Variants in ALK observed in about 807,000 individuals in gnomAD.
ALK encodes ALK receptor tyrosine kinase.
ALK carries 74 observed loss-of-function variants against 163.1 expected under a neutral mutation model. The ratio of observed to expected loss-of-function variants is 0.45; its 90% CI spans 0.38 to 0.55. The LOEUF (loss-of-function observed/expected upper bound fraction) is 0.55, where lower values mean the gene tolerates loss of function less well. Ranked by LOEUF, ALK falls within the 20% of genes least tolerant of loss-of-function variation. The probability of loss-of-function intolerance (pLI) is 0.00; values close to 1 mark genes in which losing one functional copy is unlikely to be tolerated. For synonymous variants in ALK, 960 were observed against 843.2 expected, an observed-to-expected ratio of 1.14 and a Z score of -2.40; for missense variants, 2,063 against 2,105.3, an observed-to-expected ratio of 0.98 and a Z score of 0.39.
intron 18 of ALK, among the ~76,000 whole-genome samples, chr2:29,225,919 G>A (rs1218382293): frequency 5.3e-5 from 8 of 152,124 alleles, no homozygotes; most frequent in South Asian, 4.2e-4. Flanking sequence ...AACAGGGTGC[G>A]CTGTAAGTAA....
intron 3 of ALK, among the ~76,000 whole-genome samples, chr2:29,575,418 C>T (rs541450330): frequency 2.0e-5 from 3 of 152,278 alleles, no homozygotes; most frequent in South Asian, 4.1e-4. Context: ...AATTGATAGG[C>T]TTCCTACCCC....
At chr2:29,743,945 TA>T (rs151294400) in intron 1 of ALK, among the ~76,000 whole-genome samples, 15,216 of 143,518 alleles carry the variant, frequency 0.11, 1,688 homozygotes, top group African/African-American at 0.29. Context: ...CCCTCTGAAA[TA>T]AAAAAAAAAA....
At position 29,837,334 on chromosome 2, in the gene ALK, G is replaced by A. The variant is rs556669342; in HGVS notation, c.667+82659C>T. Among the ~76,000 whole-genome samples, 5 of 152,278 alleles carry A rather than the reference G, an allele frequency of 3.3e-5. No individual in the cohort carries two copies. The East Asian group carries it at 9.7e-4, about 29-fold the overall frequency. ...GGAGCTACTGAGGTGCCTGGAATTT[G>A]TAGGATATGGCACCAGAAAGAAGGG... is the stretch of plus-strand genomic sequence containing the variant. On this transcript the variant is annotated intron_variant, in intron 1 of 28. Transcript: ENST00000389048.
chr2:29,334,944 A>G (rs1558679550), intron 5 of ALK, among the ~76,000 whole-genome samples: 1 of 152,194 alleles, frequency 6.6e-6, no homozygotes, highest in Non-Finnish European at 1.5e-5. Flanking sequence ...TCCTTGGTGA[A>G]TGATTTTAAT....
At chr2:29,850,822 T>C (rs997455132) in intron 1 of ALK, among the ~76,000 whole-genome samples, 1 of 152,202 alleles carries the variant, frequency 6.6e-6, no homozygotes, top group African/African-American at 2.4e-5. Flanking sequence ...CCCAAGCCCT[T>C]TCCTCGTCCA....
intron 4 of ALK, among the ~76,000 whole-genome samples, chr2:29,467,628 G>T (rs1327388025): frequency 6.6e-6 from 1 of 152,206 alleles, no homozygotes; most frequent in African/African-American, 2.4e-5. Flanking sequence ...CACTAGACCA[G>T]TTCCTCTCAA....
intron 2 of ALK, among the ~76,000 whole-genome samples, chr2:29,715,997 A>G (rs1178132473): frequency 6.6e-6 from 1 of 152,210 alleles, no homozygotes; most frequent in Non-Finnish European, 1.5e-5. Context: ...AATATGGTAC[A>G]GAAAGGTACA....
chr2:29,219,320 A>G (rs1261353421), intron 23 of ALK, among the ~76,000 whole-genome samples: 2 of 152,150 alleles, frequency 1.3e-5, no homozygotes, highest in Non-Finnish European at 2.9e-5. Context: ...AGATACTGAG[A>G]TGCGTCACCC....
rs769821764 is a variant in ALK, at chr2:29,297,057, G to A, written c.1648C>T (p.Leu550Phe). Residue 550 changes from leucine to phenylalanine, a missense_variant and splice_region_variant, in exon 9 of 29, where the codon CTC becomes TTC. Physicochemically the swap from Leu to Phe is conservative, Grantham distance 22. Around this residue, in one of 5 missense-constraint regions of ALK, gnomAD observed 987 missense variants for 939.5 expected, o/e 1.05. Coordinates refer to ENST00000389048, the MANE Select transcript of ALK (RefSeq NM_004304.5). ...PAPIKSSPCE[L>F]RMSWLIRGVL... ...CCACGAATGAGCCAGGACATTCGGA[G>A]CTGTGAGGGCGAGAAGAGTCAGAGG... 3.2e-5 allele frequency: 51 copies of A among 1,614,180 alleles called. No homozygotes were observed. In the East Asian group the frequency reaches 1.1e-3, roughly 34 times the overall value.
chr2:29,648,738 T>C (rs1266980825), intron 3 of ALK, among the ~76,000 whole-genome samples: 4 of 152,188 alleles, frequency 2.6e-5, no homozygotes, highest in African/African-American at 9.7e-5. Flanking sequence ...TCTTTTCCTC[T>C]CTTCTGAAAT....
Position 29,395,514 on chromosome 2 carries a change from G to A in ALK, c.1155-11655C>T, listed in dbSNP as rs78445221. Among the ~76,000 whole-genome samples, 358 of 152,318 alleles carry A rather than the reference G, an allele frequency of 2.4e-3. 1 individual carries two copies. Among genetic ancestry groups the A allele is most frequent in the African/African-American group, 7.8e-3 (323 of 41,570 alleles). On this transcript the variant is annotated intron_variant, in intron 4 of 28. Coordinates refer to ENST00000389048, the MANE Select transcript of ALK (RefSeq NM_004304.5). ...ACCCCAAGGTATGGCACCTTAGCAT[G>A]ATGGGGACTTTAAACTGAAGGACAT...
At chr2:29,306,279 A>C (rs186765736) in intron 8 of ALK, among the ~76,000 whole-genome samples, 56 of 152,320 alleles carry the variant, frequency 3.7e-4, no homozygotes, top group African/African-American at 1.3e-3. Context: ...TAGAGACGTT[A>C]AGTCAGTCAC....
chr2:29,587,582 C>T (rs1044526289), intron 3 of ALK, among the ~76,000 whole-genome samples: 1 of 152,150 alleles, frequency 6.6e-6, no homozygotes, highest in Non-Finnish European at 1.5e-5. Context: ...ACTCATTCGC[C>T]TGGAGCTAAT....
intron 1 of ALK, among the ~76,000 whole-genome samples, chr2:29,849,774 A>G (rs563958353): frequency 7.3e-4 from 111 of 152,114 alleles, no homozygotes; most frequent in African/African-American, 2.6e-3. Context: ...CCTCTGAGGA[A>G]GAAGAGGAGT....
chr2:29,839,497 C>G (rs1665647314), intron 1 of ALK, among the ~76,000 whole-genome samples: 1 of 152,210 alleles, frequency 6.6e-6, no homozygotes, highest in Non-Finnish European at 1.5e-5. Flanking sequence ...CGGCAATTTT[C>G]TACACAGGGA....
intron 1 of ALK, among the ~76,000 whole-genome samples, chr2:29,892,544 A>G (rs924073518): frequency 2.0e-5 from 3 of 152,182 alleles, no homozygotes; most frequent in African/African-American, 7.2e-5. Flanking sequence ...TGTGCTAAGC[A>G]CTTTACAATC....
chr2:29,895,113 A>C (rs926079506), intron 1 of ALK, among the ~76,000 whole-genome samples: 1 of 152,172 alleles, frequency 6.6e-6, no homozygotes, highest in African/African-American at 2.4e-5. Flanking sequence ...TTAAAACTTA[A>C]TGTAGCTTTT....
At position 29,222,543 on chromosome 2, in the gene ALK, G is replaced by T. The variant is rs1669833481; in HGVS notation, c.3424C>A (p.Pro1142Thr). The T allele has an allele frequency of 6.2e-7, 1 of 1,613,964 alleles. No homozygotes were observed. The highest frequency in any genetic ancestry group is 1.7e-5 in the Admixed American group (1 of 59,998). The change falls in exon 21 of 29, where the codon CCA (proline) becomes ACA (threonine). Residue 1142 changes from proline to threonine, a missense_variant. Transcript: ENST00000389048. ...TTCACAGCCACTTGCAGGGGGCTTG[G>T]GTCGTTGGGCATTCCGGACACCTGG... ...EGQVSGMPND[P>T]SPLQVAVKTL...
intron 1 of ALK, among the ~76,000 whole-genome samples, chr2:29,840,312 A>T (rs904172041): frequency 2.0e-5 from 3 of 152,170 alleles, no homozygotes; most frequent in Non-Finnish European, 4.4e-5. Flanking sequence ...AAATGCTTGG[A>T]GAGATAAAGA....
Sources: allele counts gnomAD v4.1 joint callset (sites outside exome capture counted in the v4.1 genomes callset), GRCh38; gene constraint gnomAD v4.1.1; regional missense constraint gnomAD v4.1.1; transcripts MANE v1.5; gene names NCBI Gene and HGNC (gene_info 2026-07-23, HGNC 2026-07-21).